The following LYST variants were observed in gnomAD, a reference collection of about 807,000 sequenced individuals.
LYST encodes lysosomal-trafficking regulator.
Under a neutral mutation model 413.6 loss-of-function variants are expected in LYST, and 192 were observed. That is an observed-to-expected ratio of 0.46 (90% CI 0.41 to 0.52). The LOEUF (loss-of-function observed/expected upper bound fraction) is 0.52. Among genes scored for constraint, LYST ranks in the 20% least tolerant of loss-of-function variants. The pLI is 0.00. For missense variants in LYST, 3,815 were observed against 4,499.9 expected, an observed-to-expected ratio of 0.85 and a Z score of 4.35; for synonymous variants, 1,525 against 1,567.3, an observed-to-expected ratio of 0.97 and a Z score of 0.64.
intron 39 of LYST, 24 bp downstream of exon 39, chr1:235,724,004 A>G (rs748519243): frequency 1.6e-5 from 25 of 1,600,402 alleles, no homozygotes; most frequent in South Asian, 4.4e-5. Flanking sequence ...AACAATATAT[A>G]TCAATTAATA....
chr1:235,688,573 T>A (rs906946304), intron 47 of LYST, among the ~76,000 whole-genome samples: 35 of 152,208 alleles, frequency 2.3e-4, no homozygotes, highest in African/African-American at 1.4e-4. Context: ...CAGAGGAAGA[T>A]GTTTCACAAT....
chr1:235,808,424 C>T (rs201464237), intron 5 of LYST, 31 bp downstream of exon 5: 280 of 1,605,098 alleles, frequency 1.7e-4, no homozygotes, highest in Non-Finnish European at 1.2e-4. Flanking sequence ...CAACAACCCC[C>T]GCCCCCGCCG....
chr1:235,857,505 G>C (rs897866731), intron 1 of LYST, among the ~76,000 whole-genome samples: 1 of 151,960 alleles, frequency 6.6e-6, no homozygotes, highest in Non-Finnish European at 1.5e-5. Context: ...AAATAGATGA[G>C]ATCATCAAAG....
chr1:235,693,298 G>C (rs1052847759), intron 47 of LYST, 52 bp downstream of exon 47: 5 of 1,367,554 alleles, frequency 3.7e-6, no homozygotes, highest in African/African-American at 1.5e-5. Context: ...TTGGGCGGCA[G>C]AGTGAGACTC....
chr1:235,747,189 AC>A (rs1419765810), intron 28 of LYST: 4 of 447,268 alleles, frequency 8.9e-6, no homozygotes, highest in African/African-American at 2.0e-5. Flanking sequence ...GAGGTACAAC[AC>A]AGGTAGTGCA....
upstream of LYST, among the ~76,000 whole-genome samples, chr1:235,867,227 T>C (rs1043300480): frequency 1.3e-5 from 2 of 152,180 alleles, no homozygotes; most frequent in Non-Finnish European, 2.9e-5. Flanking sequence ...GGGCTCTGCG[T>C]AGTGGGCTGC....
chr1:235,763,192 CTG>C (rs566816361), intron 21 of LYST, among the ~76,000 whole-genome samples: 7 of 152,158 alleles, frequency 4.6e-5, no homozygotes, highest in Non-Finnish European at 1.0e-4. Context: ...GAGGAAAGGA[CTG>C]TGTCTTTTAT....
intron 1 of LYST, among the ~76,000 whole-genome samples, chr1:235,880,895 G>A (rs1456857557): frequency 6.6e-6 from 1 of 152,192 alleles, no homozygotes; most frequent in Non-Finnish European, 1.5e-5. Flanking sequence ...GGAGGCTGAG[G>A]TGGGTGGATC....
chr1:235,812,913 G>A (rs1386266968), intron 4 of LYST, 58 bp downstream of exon 4: 3 of 1,022,780 alleles, frequency 2.9e-6, no homozygotes, highest in African/African-American at 1.6e-5. Context: ...TCAGGCAGAA[G>A]TAACTTTTCT....
chr1:235,816,388 C>T (rs995471133), intron 3 of LYST, among the ~76,000 whole-genome samples: 8 of 147,500 alleles, frequency 5.4e-5, no homozygotes, highest in Admixed American at 1.4e-4. Flanking sequence ...TGCAGTGAGC[C>T]GAGATCACAC....
chr1:235,687,108 TAAA>T, intron 47 of LYST, 61 bp from the exon 48 acceptor site: 1 of 1,144,966 alleles, frequency 8.7e-7, no homozygotes, highest in Non-Finnish European at 1.3e-6. Context: ...TAAAGTATAA[TAAA>T]AATAAAATAA....
chr1:235,709,444 C>T, intron 43 of LYST, 136 bp from the exon 44 acceptor site: 3 of 708,250 alleles, frequency 4.2e-6, no homozygotes, highest in Admixed American at 2.3e-5. Context: ...GGAGGATTTA[C>T]ATTTTGAATA....
intron 39 of LYST, 51 bp from the exon 40 acceptor site, chr1:235,720,956 G>T: frequency 1.3e-6 from 2 of 1,577,912 alleles, no homozygotes; most frequent in Non-Finnish European, 1.7e-6. Flanking sequence ...TAGTCTTATT[G>T]GCACTTTTCT....
intron 1 of LYST, among the ~76,000 whole-genome samples, chr1:235,848,901 C>T (rs564428626): frequency 1.6e-4 from 25 of 151,944 alleles, no homozygotes; most frequent in African/African-American, 5.8e-4. Flanking sequence ...AAAAAAAGTC[C>T]AGGACCAGAC....
At chr1:235,771,094 T>C (rs1389672632) in intron 19 of LYST, among the ~76,000 whole-genome samples, 1 of 152,172 alleles carries the variant, frequency 6.6e-6, no homozygotes, top group African/African-American at 2.4e-5. Flanking sequence ...TTGATAGACT[T>C]AATCATACTC....
intron 3 of LYST, among the ~76,000 whole-genome samples, chr1:235,822,320 AG>A (rs1413762032): frequency 1.3e-5 from 2 of 152,236 alleles, no homozygotes; most frequent in Admixed American, 6.5e-5. Flanking sequence ...ACCCTAGAAC[AG>A]GGGCCATGAC....
chr1:235,775,636 C>T (rs1337340854), intron 17 of LYST, among the ~76,000 whole-genome samples: 1 of 152,066 alleles, frequency 6.6e-6, no homozygotes, highest in Non-Finnish European at 1.5e-5. Context: ...GCACAGAGAC[C>T]ATTCTGATCC....
At position 235,873,172 on chromosome 1, in the gene LYST, C is replaced by T. The variant is rs150982210; in HGVS notation, n.454+10015G>A. ...CAAACTTTGGGGTATTGTGTTGAGT[C>T]CTGACATAAACATCAGAAACTATTT... On this transcript the variant is annotated intron_variant and non_coding_transcript_variant, in intron 1 of 11. Coordinates refer to the LYST transcript ENST00000465349. Among the ~76,000 whole-genome samples, 775 of 152,232 alleles carry T rather than the reference C, an allele frequency of 5.1e-3. 6 individuals are homozygous for T. The highest frequency in any genetic ancestry group is 8.3e-3 in the Non-Finnish European group (563 of 68,004).
chr1:235,680,100 T>C (rs1361525746), intron 48 of LYST, among the ~76,000 whole-genome samples: 1 of 151,708 alleles, frequency 6.6e-6, no homozygotes, highest in Non-Finnish European at 1.5e-5. Flanking sequence ...TATATACTTA[T>C]AAGTTATATT....
Sources: gnomAD v4.1 joint callset for allele counts (sites outside exome capture counted in the v4.1 genomes callset) on GRCh38, gnomAD v4.1.1 for gene constraint, MANE v1.5 for transcripts, NCBI Gene and HGNC (gene_info 2026-07-23, HGNC 2026-07-21) for gene names.